The following ZNF609 variants were observed in gnomAD, a reference collection of about 807,000 sequenced individuals.
The protein encoded by ZNF609 is zinc finger protein 609.
A neutral mutation model predicts 109.5 loss-of-function variants in ZNF609; 11 were observed. The observed-to-expected ratio is 0.10, with a 90% confidence interval of 0.06 to 0.17. The LOEUF (loss-of-function observed/expected upper bound fraction) is 0.17, where lower values mean the gene tolerates loss of function less well. ZNF609 is among the 10% of genes least tolerant of loss of function. ZNF609 has a pLI of 1.00. For missense variants in ZNF609, 1,559 were observed against 1,772.4 expected, an observed-to-expected ratio of 0.88 and a Z score of 2.16; for synonymous variants, 646 against 662.0, an observed-to-expected ratio of 0.98 and a Z score of 0.37.
intron 2 of ZNF609, among the ~76,000 whole-genome samples, chr15:64,526,110 T>C (rs1277270593): frequency 6.6e-6 from 1 of 151,288 alleles, no homozygotes; most frequent in Non-Finnish European, 1.5e-5. Context: ...TTTTCTTTTT[T>C]TTTTTTTTTT....
At chr15:64,652,500 C>T (rs1357588213) in intron 3 of ZNF609, among the ~76,000 whole-genome samples, 2 of 151,614 alleles carry the variant, frequency 1.3e-5, no homozygotes, top group East Asian at 1.9e-4. Context: ...ATTCTCCCCA[C>T]CTCAGCCTTC....
At chr15:64,619,031 AC>A (rs1248229201) in intron 2 of ZNF609, among the ~76,000 whole-genome samples, 2 of 150,794 alleles carry the variant, frequency 1.3e-5, no homozygotes, top group African/African-American at 2.4e-5. Flanking sequence ...CACTTCCCTT[AC>A]CCCCTTCTGT....
intron 1 of ZNF609, among the ~76,000 whole-genome samples, chr15:64,465,501 C>T (rs1364386622): frequency 6.6e-6 from 1 of 152,026 alleles, no homozygotes; most frequent in East Asian, 1.9e-4. Context: ...TTGCGTCAGC[C>T]TCCTGAATGG....
At chr15:64,500,448 C>T (rs2140351212) in intron 2 of ZNF609, 1 of 668,928 alleles carries the variant, frequency 1.5e-6, no homozygotes, top group East Asian at 2.7e-5. Context: ...TTGAGACCTT[C>T]CCACCTTGTC....
chr15:64,603,290 G>C (rs1404267019), intron 2 of ZNF609, among the ~76,000 whole-genome samples: 1 of 139,182 alleles, frequency 7.2e-6, no homozygotes, highest in South Asian at 2.2e-4. Context: ...TTTTTTTTGA[G>C]ATAGAGTCTT....
At chr15:64,534,197 G>C (rs2140374094) in intron 2 of ZNF609, among the ~76,000 whole-genome samples, 1 of 151,674 alleles carries the variant, frequency 6.6e-6, no homozygotes, top group Admixed American at 6.6e-5. Context: ...TTTTAGTAGA[G>C]ACGGGGTTTC....
intron 2 of ZNF609, among the ~76,000 whole-genome samples, chr15:64,540,665 A>G (rs866231060): frequency 7.9e-5 from 12 of 151,390 alleles, no homozygotes; most frequent in African/African-American, 2.7e-4. Flanking sequence ...CGGCCTGCCA[A>G]AGTGCTGGGA....
intron 1 of ZNF609, among the ~76,000 whole-genome samples, chr15:64,494,276 A>C (rs1489131856): frequency 6.6e-6 from 1 of 152,200 alleles, no homozygotes; most frequent in East Asian, 1.9e-4. Context: ...GGCCTTAGGC[A>C]TGTCTAGACT....
rs374475143 is a variant in ZNF609 at position 64,610,450 on chromosome 15, A to G, written c.748-12377A>G. Among the ~76,000 whole-genome samples the G allele has an allele frequency of 3.3e-5, 5 of 152,278 alleles. No individual in the cohort carries two copies. The East Asian group carries it at 5.8e-4, about 18-fold the overall frequency. ...CCCAGTGACAGTTTACCTGTATAACAAACCTGCATATGTACCCCTGAACTT... is the reference window on the plus strand; with the variant it reads ...CCCAGTGACAGTTTACCTGTATAACGAACCTGCATATGTACCCCTGAACTT... On this transcript the variant is annotated intron_variant, in intron 2 of 9. Coordinates refer to ENST00000326648, the MANE Select transcript of ZNF609 (RefSeq NM_015042.2).
At chr15:64,546,285 C>T (rs1325532937) in intron 2 of ZNF609, among the ~76,000 whole-genome samples, 3 of 152,072 alleles carry the variant, frequency 2.0e-5, no homozygotes, top group Admixed American at 1.3e-4. Context: ...CACTGTGTTG[C>T]CCACATGGGA....
chr15:64,578,965 A>G (rs1324653213), intron 2 of ZNF609, among the ~76,000 whole-genome samples: 5 of 152,118 alleles, frequency 3.3e-5, no homozygotes, highest in Non-Finnish European at 7.4e-5. Context: ...TAGGGCCACT[A>G]TATTCCAGCC....
At chr15:64,615,488 C>T (rs1895785325) in intron 2 of ZNF609, among the ~76,000 whole-genome samples, 1 of 139,140 alleles carries the variant, frequency 7.2e-6, no homozygotes, top group Non-Finnish European at 1.6e-5. Flanking sequence ...TGATGACATC[C>T]TTTTTTTTTT....
intron 3 of ZNF609, among the ~76,000 whole-genome samples, chr15:64,666,074 C>CAG (rs1896643508): frequency 7.4e-6 from 1 of 134,426 alleles, no homozygotes; most frequent in Non-Finnish European, 1.6e-5. Flanking sequence ...GACTTCGTCT[C>CAG]AAAAAAAAAA....
chr15:64,481,451 G>T lies in ZNF609; in HGVS notation c.-127-17842G>T, dbSNP rs1034156655. Among the ~76,000 whole-genome samples, 3 of 151,292 alleles carry T rather than the reference G, an allele frequency of 2.0e-5. No homozygotes were observed. The South Asian group carries it at 6.3e-4, about 32-fold the overall frequency. On this transcript the variant is annotated intron_variant, in intron 1 of 9. Coordinates refer to ENST00000326648, the MANE Select transcript of ZNF609 (RefSeq NM_015042.2). ...TTCTTCTGCCTCAGCCTCCCTAGTA[G>T]CTAGGATTACAGGCATGTGACACCA...
chr15:64,464,838 A>T (rs775169773), intron 1 of ZNF609, among the ~76,000 whole-genome samples: 1 of 152,214 alleles, frequency 6.6e-6, no homozygotes, highest in Non-Finnish European at 1.5e-5. Context: ...AAGAGGGATT[A>T]CTGAGCAGGT....
intron 2 of ZNF609, among the ~76,000 whole-genome samples, chr15:64,616,672 A>G (rs8043506): frequency 0.74 from 112,030 of 150,740 alleles, 45,155 homozygotes; most frequent in East Asian, 0.96. Flanking sequence ...GGCGCCCGCC[A>G]CCACACCCGG....
At position 64,683,004 on chromosome 15, in the gene ZNF609, G is replaced by A. The variant is rs560289855; in HGVS notation, c.*1318G>A. 2.0e-5 allele frequency: 3 copies of A among 152,736 alleles called. No homozygotes were observed. The highest frequency in any genetic ancestry group is 4.8e-5 in the African/African-American group (2 of 41,550). 9.5% of individuals were successfully genotyped at this position (152,736 alleles called of 1,614,324 possible). A position where few individuals can be genotyped will look rare whatever the true frequency, so the allele number is the denominator to read the frequency against. On this transcript the variant is annotated 3_prime_UTR_variant, in exon 10 of 10. Coordinates refer to ENST00000326648, the MANE Select transcript of ZNF609 (RefSeq NM_015042.2). The stretch of plus-strand genomic sequence containing the variant: ...TGTACTCAGTGGAGCTGTGCTTTGA[G>A]GCAGCCAACATTTCTCTGCTCTCCT...
chr15:64,462,754 A>C (rs1317027568), intron 1 of ZNF609, among the ~76,000 whole-genome samples: 1 of 152,224 alleles, frequency 6.6e-6, no homozygotes, highest in Non-Finnish European at 1.5e-5. Flanking sequence ...TTTTAACTCT[A>C]ATGAAAGGAC....
At chr15:64,607,867 C>T (rs765171366) in intron 2 of ZNF609, among the ~76,000 whole-genome samples, 3 of 6,720 alleles carry the variant, frequency 4.5e-4, no homozygotes, top group Admixed American at 4.5e-3. Context: ...TTCTTTCTTT[C>T]TTTCTTTCTT....
Sources: allele counts gnomAD v4.1 joint callset (sites outside exome capture counted in the v4.1 genomes callset), GRCh38; gene constraint gnomAD v4.1.1; transcripts MANE v1.5; gene names NCBI Gene and HGNC (gene_info 2026-07-23, HGNC 2026-07-21).